The following RYR2 variants were observed in gnomAD, a reference collection of about 807,000 sequenced individuals.
RYR2 encodes the protein ryanodine receptor 2.
In RYR2, 227 loss-of-function variants were observed where a neutral mutation model predicts 601.1. The ratio of observed to expected loss-of-function variants is 0.38; its 90% confidence interval spans 0.34 to 0.42. The LOEUF is 0.42. Among genes scored for constraint, RYR2 ranks in the 10% least tolerant of loss-of-function variants. RYR2 has a pLI of 1.00. For synonymous variants in RYR2, 2,223 were observed against 2,175.1 expected, an observed-to-expected ratio of 1.02 and a Z score of -0.61; for missense variants, 4,646 against 6,156.5, an observed-to-expected ratio of 0.75 and a Z score of 8.21.
At chr1:237,435,161 A>C (rs986451300) in intron 12 of RYR2, among the ~76,000 whole-genome samples, 2 of 152,336 alleles carry the variant, frequency 1.3e-5, no homozygotes, top group African/African-American at 4.8e-5. Context: ...GATGTTTTAA[A>C]ATGTACACTT....
At chr1:237,722,472 C>T (rs537539325) in intron 73 of RYR2, among the ~76,000 whole-genome samples, 9 of 148,340 alleles carry the variant, frequency 6.1e-5, no homozygotes, top group East Asian at 5.9e-4. Flanking sequence ...CTCGCTCTGT[C>T]GCCCAGGCTG....
At chr1:237,091,428 T>TGGGG (rs759781231) in intron 1 of RYR2, among the ~76,000 whole-genome samples, 3 of 123,390 alleles carry the variant, frequency 2.4e-5, no homozygotes, top group Admixed American at 8.7e-5. Context: ...TTCTTTTTTT[T>TGGGG]GGGGGGGGCG....
At chr1:237,780,940 A>AAGATAGATGTCAAATGTGCAG (rs1695054589) in intron 88 of RYR2, among the ~76,000 whole-genome samples, 1 of 152,240 alleles carries the variant, frequency 6.6e-6, no homozygotes, top group African/African-American at 2.4e-5. Context: ...AATAAAAGAT[A>AAGATAGATGTCAAATGTGCAG]AGATAGATGT....
At chr1:237,290,547 TC>T (rs911050168) in intron 2 of RYR2, among the ~76,000 whole-genome samples, 1 of 152,038 alleles carries the variant, frequency 6.6e-6, no homozygotes, top group Non-Finnish European at 1.5e-5. Context: ...GATTTTAAAG[TC>T]CCCAAAAGCA....
At chr1:237,335,761 T>G (rs1697188528) in intron 3 of RYR2, among the ~76,000 whole-genome samples, 1 of 152,196 alleles carries the variant, frequency 6.6e-6, no homozygotes, top group Non-Finnish European at 1.5e-5. Context: ...GAGTAATAGA[T>G]TAACATTTAT....
intron 16 of RYR2, among the ~76,000 whole-genome samples, chr1:237,467,399 T>C (rs1453259642): frequency 1.3e-5 from 2 of 152,152 alleles, no homozygotes; most frequent in Non-Finnish European, 2.9e-5. Context: ...GGAACAGATA[T>C]TCTTACAGAA....
Position 237,391,996 on chromosome 1 carries a change from G to A in RYR2, c.773+3813G>A, listed in dbSNP as rs538996805. On this transcript the variant is annotated intron_variant, in intron 10 of 104. Transcript: ENST00000366574. ...GAGATTTTTTTCCGAAAGACAAATC[G>A]CTCTAAAATGACTAGTAGACAACTT... Among the ~76,000 whole-genome samples, 10 of 152,000 alleles carry A rather than the reference G, an allele frequency of 6.6e-5. No homozygotes were observed. In the East Asian group the frequency reaches 1.2e-3, roughly 18 times the overall value.
chr1:237,495,324 T>C (rs1663951771), intron 19 of RYR2, among the ~76,000 whole-genome samples: 1 of 152,138 alleles, frequency 6.6e-6, no homozygotes, highest in Non-Finnish European at 1.5e-5. Context: ...CGGAAACCCA[T>C]GGTCTTCCAA....
At chr1:237,770,665 A>G in intron 84 of RYR2, 142 bp from the exon 85 acceptor site, 1 of 527,218 alleles carries the variant, frequency 1.9e-6, no homozygotes, top group Non-Finnish European at 3.6e-6. Flanking sequence ...TGAGCTTCAG[A>G]TAGAAAAGTG....
At chr1:237,449,569 T>A (rs954531345) in intron 14 of RYR2, among the ~76,000 whole-genome samples, 3 of 151,852 alleles carry the variant, frequency 2.0e-5, no homozygotes, top group Admixed American at 6.6e-5. Context: ...AGTGCTCTTT[T>A]TGTGTGTGTG....
intron 1 of RYR2, among the ~76,000 whole-genome samples, chr1:237,253,829 A>G (rs1687702754): frequency 6.6e-6 from 1 of 152,234 alleles, no homozygotes. Context: ...ATAGGGAGTC[A>G]TGGTGCCTGG....
At chr1:237,741,314 C>T (rs1558322814) in intron 79 of RYR2, among the ~76,000 whole-genome samples, 1 of 152,132 alleles carries the variant, frequency 6.6e-6, no homozygotes, top group Admixed American at 6.5e-5. Context: ...ATCCCCAGTT[C>T]ATCTCCATGC....
At chr1:237,750,244 A>G (rs1692432397) in intron 80 of RYR2, among the ~76,000 whole-genome samples, 1 of 152,188 alleles carries the variant, frequency 6.6e-6, no homozygotes, top group Non-Finnish European at 1.5e-5. Flanking sequence ...ATGGAACTAT[A>G]CATAACACAG....
At chr1:237,209,066 A>T (rs1682248357) in intron 1 of RYR2, among the ~76,000 whole-genome samples, 1 of 132,064 alleles carries the variant, frequency 7.6e-6, no homozygotes. Context: ...TGTATGTAAC[A>T]CTTATATATA....
At position 237,832,811 on chromosome 1, in the gene RYR2, C is replaced by T. The variant is rs1228800265; in HGVS notation, c.*164C>T. 1.9e-6 allele frequency: 1 copy of T among 526,886 alleles called. No homozygotes were observed. The highest frequency in any genetic ancestry group is 3.4e-6 in the Non-Finnish European group (1 of 294,460). 32.6% of individuals were successfully genotyped at this position (526,886 alleles called of 1,614,324 possible). On this transcript the variant is annotated 3_prime_UTR_variant, in exon 105 of 105. Transcript: ENST00000366574. ...TTTCGGAAGAGCTGTTTCCTCCCCCCACCTTTTGTATTTACTTTGAGACTA... is the reference window on the plus strand; with the variant it reads ...TTTCGGAAGAGCTGTTTCCTCCCCCTACCTTTTGTATTTACTTTGAGACTA...
intron 95 of RYR2, among the ~76,000 whole-genome samples, chr1:237,794,747 G>A (rs1460259471): frequency 6.6e-6 from 1 of 152,166 alleles, no homozygotes; most frequent in Non-Finnish European, 1.5e-5. Flanking sequence ...CATGATACAT[G>A]TTTATCCTAA....
intron 14 of RYR2, among the ~76,000 whole-genome samples, chr1:237,450,751 C>G (rs991764117): frequency 6.6e-6 from 1 of 152,082 alleles, no homozygotes; most frequent in Admixed American, 6.5e-5. Flanking sequence ...CACAAATTTG[C>G]CATATTTTTC....
chr1:237,646,639 C>G (rs1682187574), intron 48 of RYR2, among the ~76,000 whole-genome samples: 2 of 152,158 alleles, frequency 1.3e-5, no homozygotes, highest in East Asian at 3.9e-4. Flanking sequence ...ACATTTTTAT[C>G]ATATTTATTT....
At chr1:237,791,141 G>C (rs977640975) in intron 92 of RYR2, among the ~76,000 whole-genome samples, 2 of 152,122 alleles carry the variant, frequency 1.3e-5, no homozygotes, top group African/African-American at 4.8e-5. Flanking sequence ...ATCTAAAATA[G>C]CACCCCTATT....
Sources: allele counts gnomAD v4.1 joint callset (sites outside exome capture counted in the v4.1 genomes callset), GRCh38; gene constraint gnomAD v4.1.1; transcripts MANE v1.5; gene names NCBI Gene and HGNC (gene_info 2026-07-23, HGNC 2026-07-21).